ZDHHC11B: variants seen among roughly 807,000 people sequenced by gnomAD.
The protein encoded by ZDHHC11B is zDHHC palmitoyltransferase 11B (putative).
ZDHHC11B carries 17 observed loss-of-function variants against 42.3 expected under a neutral mutation model. The ratio of observed to expected loss-of-function variants is 0.40; its 90% confidence interval spans 0.27 to 0.60. The LOEUF (loss-of-function observed/expected upper bound fraction) is 0.60, where lower values mean the gene tolerates loss of function less well. ZDHHC11B is among the 20% of genes least tolerant of loss of function. The probability of loss-of-function intolerance (pLI) is 0.41; values close to 1 mark genes in which losing one functional copy is unlikely to be tolerated. For missense variants in ZDHHC11B, 262 were observed against 463.2 expected (o/e 0.57, Z 3.99); for synonymous variants, 123 against 193.5 (o/e 0.64, Z 3.02).
intron 11 of ZDHHC11B, among the ~76,000 whole-genome samples, chr5:733,018 C>T (rs566347009): frequency 6.6e-6 from 1 of 151,884 alleles, no homozygotes; most frequent in Admixed American, 6.5e-5. Flanking sequence ...TATCCCACCA[C>T]TGCCATCCAT....
intron 4 of ZDHHC11B, among the ~76,000 whole-genome samples, chr5:758,834 C>T (rs887212424): frequency 5.3e-5 from 8 of 152,030 alleles, no homozygotes; most frequent in Middle Eastern, 3.4e-3. Context: ...CCGCGCTCTG[C>T]GGGTGGGCTT....
At chr5:776,043 A>G (rs376039851) in intron 1 of ZDHHC11B, among the ~76,000 whole-genome samples, 209 of 147,798 alleles carry the variant, frequency 1.4e-3, no homozygotes, top group Non-Finnish European at 1.4e-3. Context: ...AGCTGGGTGT[A>G]CTGCCGCTGG....
intron 12 of ZDHHC11B, among the ~76,000 whole-genome samples, chr5:723,432 A>C (rs1287264788): frequency 3.2e-5 from 4 of 124,556 alleles, no homozygotes; most frequent in Non-Finnish European, 5.3e-5. Context: ...ATGAGATTAT[A>C]GAACCAGCAG....
chr5:754,543 G>A (rs1197889622), intron 6 of ZDHHC11B, among the ~76,000 whole-genome samples: 38 of 127,694 alleles, frequency 3.0e-4, no homozygotes, highest in East Asian at 7.0e-4. Context: ...TCTCGTCTAT[G>A]AGCCTCCACC....
At position 748,674 on chromosome 5, in the gene ZDHHC11B, G is replaced by A. The variant is rs1409188995; in HGVS notation, c.629-115C>T. 7.4e-5 allele frequency: 84 copies of A among 1,136,378 alleles called. 16 individuals are homozygous for A. The highest frequency in any genetic ancestry group is 2.7e-4 in the Middle Eastern group (1 of 3,766). The allele number at this position is 1,136,378 out of a possible 1,614,324, so 70.4% of individuals were successfully genotyped here. A position where few individuals can be genotyped will look rare whatever the true frequency, so the allele number is the denominator to read the frequency against. On this transcript the variant is annotated intron_variant, in intron 7 of 13. Transcript: ENST00000508859. ...GGGGCGGCGTGGAGACAGCCAGCAC[G>A]AGGGATGCCTCCCTGCCCTGGTGGA... is the stretch of plus-strand genomic sequence containing the variant.
rs371622998 is a variant in ZDHHC11B, at chr5:758,866, C to T, written c.223-2722G>A. Among the ~76,000 whole-genome samples the T allele has an allele frequency of 3.3e-4, 50 of 152,030 alleles. 3 individuals carry two copies. In the East Asian group the frequency reaches 8.5e-3, roughly 26 times the overall value. On this transcript the variant is annotated intron_variant, in intron 4 of 13. Transcript: ENST00000508859. Reference sequence around the variant, plus strand: ...GCTTGGGTCGTCCTCCTGGGACATCCGTCACCCATAGGAACGATGCTGGTG... The same window carrying T: ...GCTTGGGTCGTCCTCCTGGGACATCTGTCACCCATAGGAACGATGCTGGTG...
In ZDHHC11B at chr5:758,368, C is replaced by T. The variant is rs370284751; in HGVS notation, c.223-2224G>A. Among the ~76,000 whole-genome samples, 115 of 151,950 alleles carry T rather than the reference C, an allele frequency of 7.6e-4. 2 individuals are homozygous for T. Among genetic ancestry groups the T allele is most frequent in the African/African-American group, 2.7e-3 (112 of 41,414 alleles). On this transcript the variant is annotated intron_variant, in intron 4 of 13. Transcript: ENST00000508859. Reference sequence around the variant, plus strand: ...TCAGGCTGAGGATGCCCTCCCAGGCCCTTGGTCGCCACATCCGACTGCAGC... The same window carrying T: ...TCAGGCTGAGGATGCCCTCCCAGGCTCTTGGTCGCCACATCCGACTGCAGC...
intron 1 of ZDHHC11B, among the ~76,000 whole-genome samples, chr5:770,515 C>A (rs556330304): frequency 0.017 from 2,594 of 151,196 alleles, 22 homozygotes; most frequent in Middle Eastern, 0.041. Context: ...TTCCACTGTC[C>A]CTCCTGTGGA....
At chr5:713,975 C>T (rs1741557018) in intron 13 of ZDHHC11B, among the ~76,000 whole-genome samples, 1 of 138,230 alleles carries the variant, frequency 7.2e-6, no homozygotes, top group Non-Finnish European at 1.6e-5. Flanking sequence ...AGGGCAAAGG[C>T]CAGCTGCACT....
Position 758,375 on chromosome 5 carries a change from C to T in ZDHHC11B, c.223-2231G>A, listed in dbSNP as rs372703819. On this transcript the variant is annotated intron_variant, in intron 4 of 13. Coordinates refer to ENST00000508859, the MANE Select transcript of ZDHHC11B (RefSeq NM_001351303.2). ...GAGGATGCCCTCCCAGGCCCTTGGT[C>T]GCCACATCCGACTGCAGCCTCACAT... Among the ~76,000 whole-genome samples the T allele has an allele frequency of 7.9e-5, 12 of 151,998 alleles. No individual in the cohort carries two copies. The East Asian group carries it at 2.1e-3, about 27-fold the overall frequency.
intron 12 of ZDHHC11B, among the ~76,000 whole-genome samples, chr5:717,960 C>G (rs1443986055): frequency 6.6e-6 from 1 of 151,746 alleles, no homozygotes; most frequent in Non-Finnish European, 1.5e-5. Flanking sequence ...GAGCAGTAGT[C>G]TTGGTAGACA....
In ZDHHC11B at chr5:766,870, C is replaced by T. The variant is rs765062716; in HGVS notation, c.50G>A (p.Arg17His). The T allele has an allele frequency of 2.5e-5, 41 of 1,612,576 alleles. 1 individual carries two copies. The South Asian group carries it at 2.7e-4, about 11-fold the overall frequency. Residue 17 changes from arginine to histidine, a missense_variant, in exon 4 of 14, where the codon CGC (arginine) becomes CAC (histidine). Arg to His is a conservative substitution (Grantham distance 29). Transcript: ENST00000508859. Reference protein sequence around the residue: ...SQCSVTPEAIRNNEELVLPPR... With the variant: ...SQCSVTPEAIHNNEELVLPPR... ...CGGCAAGACCAGCTCTTCATTGTTG[C>T]GTATGGCTTCTGGGGTGACGGAACA...
chr5:778,540 C>T, intron 1 of ZDHHC11B, among the ~76,000 whole-genome samples: 1 of 151,672 alleles, frequency 6.6e-6, no homozygotes, highest in Non-Finnish European at 1.5e-5. Flanking sequence ...CTCACGAGGA[C>T]CCTGCCCTGC....
At chr5:761,564 C>A (rs1288427972) in intron 4 of ZDHHC11B, among the ~76,000 whole-genome samples, 1 of 151,900 alleles carries the variant, frequency 6.6e-6, no homozygotes, top group African/African-American at 2.4e-5. Context: ...AGAACTATGA[C>A]CTGTCCTCCT....
In ZDHHC11B at chr5:716,888, G is replaced by A. The variant is rs773821266; in HGVS notation, c.1059-23C>T. ...AGCCTGTTTGCAATATTCAGAAAGAGAGACAACAGAGAACGTATGATGTAA... is the reference window on the plus strand; with the variant it reads ...AGCCTGTTTGCAATATTCAGAAAGAAAGACAACAGAGAACGTATGATGTAA... On this transcript the variant is annotated intron_variant, in intron 12 of 13. Coordinates refer to ENST00000508859, the MANE Select transcript of ZDHHC11B (RefSeq NM_001351303.2). 5 of 1,612,692 alleles carry A rather than the reference G, an allele frequency of 3.1e-6. No homozygotes were observed. The South Asian group carries it at 4.4e-5, about 14-fold the overall frequency.
chr5:721,609 C>T (rs382180), intron 12 of ZDHHC11B, among the ~76,000 whole-genome samples: 5 of 151,554 alleles, frequency 3.3e-5, no homozygotes, highest in South Asian at 2.1e-4. Context: ...AGCTAAGTGT[C>T]CATATATGGA....
chr5:721,892 G>C (rs1742216248), intron 12 of ZDHHC11B, among the ~76,000 whole-genome samples: 1 of 151,752 alleles, frequency 6.6e-6, no homozygotes, highest in Non-Finnish European at 1.5e-5. Flanking sequence ...GAGTGGAATT[G>C]ACTAGACAGC....
chr5:727,363 G>A (rs542789470), intron 12 of ZDHHC11B, among the ~76,000 whole-genome samples: 7 of 146,676 alleles, frequency 4.8e-5, no homozygotes, highest in African/African-American at 1.5e-4. Flanking sequence ...CCAGGGAAAC[G>A]CTATCGGCCA....
At chr5:774,855 A>G in intron 1 of ZDHHC11B, among the ~76,000 whole-genome samples, 1 of 151,998 alleles carries the variant, frequency 6.6e-6, no homozygotes. Flanking sequence ...TAAAGATAGC[A>G]GCAGCCTCGG....
Sources: allele counts gnomAD v4.1 joint callset (sites outside exome capture counted in the v4.1 genomes callset), GRCh38; gene constraint gnomAD v4.1.1; transcripts MANE v1.5; gene names NCBI Gene and HGNC (gene_info 2026-07-23, HGNC 2026-07-21).